Variants in PDZD2 observed in about 807,000 individuals in gnomAD.
PDZD2 encodes PDZ domain containing 2, also known as PDZ domain-containing protein 2.
In PDZD2, 90 loss-of-function variants were observed where a neutral mutation model predicts 220.7. The ratio of observed to expected loss-of-function variants is 0.41; its 90% CI spans 0.34 to 0.49. PDZD2 has a LOEUF of 0.49. PDZD2 is among the 20% of genes least tolerant of loss of function. The pLI, the probability that PDZD2 is intolerant of heterozygous loss-of-function variation, is 0.28. For synonymous variants in PDZD2, 1,375 were observed against 1,450.5 expected (o/e 0.95, Z 1.18); for missense variants, 3,174 against 3,608.5 (o/e 0.88, Z 3.08).
chr5:31,870,571 T>C (rs1738695450), intron 2 of PDZD2, among the ~76,000 whole-genome samples: 1 of 152,160 alleles, frequency 6.6e-6, no homozygotes, highest in Admixed American at 6.5e-5. Context: ...TGTAAACAAG[T>C]CTTTTTTAAA....
chr5:31,881,585 C>T (rs1285088791), intron 2 of PDZD2, among the ~76,000 whole-genome samples: 2 of 151,542 alleles, frequency 1.3e-5, no homozygotes, highest in Non-Finnish European at 2.9e-5. Flanking sequence ...ACCATGTTGG[C>T]CAGACTGGTC....
At chr5:31,987,673 C>T (rs1750823365) in intron 3 of PDZD2, among the ~76,000 whole-genome samples, 2 of 152,212 alleles carry the variant, frequency 1.3e-5, no homozygotes, top group South Asian at 4.1e-4. Context: ...TAAAACTCAG[C>T]ACATCATTTT....
intron 1 of PDZD2, chr5:31,787,798 C>T (rs916411671): frequency 1.3e-5 from 2 of 152,152 alleles, no homozygotes; most frequent in Non-Finnish European, 2.9e-5. Flanking sequence ...TCCCCTAAAA[C>T]CTCAGCATTG....
intron 1 of PDZD2, among the ~76,000 whole-genome samples, chr5:31,735,213 T>C (rs1332589497): frequency 6.6e-6 from 1 of 152,096 alleles, no homozygotes; most frequent in African/African-American, 2.4e-5. Context: ...GCTGGTGGGT[T>C]GGAGGGATGA....
intron 6 of PDZD2, among the ~76,000 whole-genome samples, chr5:32,027,549 C>A (rs925838937): frequency 6.6e-6 from 1 of 152,160 alleles, no homozygotes. Context: ...CGGCTCCCCC[C>A]ACTCCCAGCT....
chr5:31,801,916 G>A (rs1754415602), intron 2 of PDZD2, among the ~76,000 whole-genome samples: 1 of 152,084 alleles, frequency 6.6e-6, no homozygotes, highest in African/African-American at 2.4e-5. Flanking sequence ...ATCTACCCCT[G>A]GGATGAGATG....
At chr5:31,890,828 G>A (rs1232493230) in intron 2 of PDZD2, among the ~76,000 whole-genome samples, 4 of 152,122 alleles carry the variant, frequency 2.6e-5, no homozygotes, top group Non-Finnish European at 5.9e-5. Flanking sequence ...CCTCTTGGCC[G>A]CCTTTGCATG....
intron 2 of PDZD2, among the ~76,000 whole-genome samples, chr5:31,815,945 T>G (rs1417956500): frequency 1.3e-5 from 2 of 152,178 alleles, no homozygotes; most frequent in Non-Finnish European, 2.9e-5. Flanking sequence ...CATAGAGGTT[T>G]GATGTTTATT....
At chr5:32,001,196 G>A (rs1423890817) in intron 5 of PDZD2, among the ~76,000 whole-genome samples, 3 of 152,196 alleles carry the variant, frequency 2.0e-5, no homozygotes, top group African/African-American at 7.2e-5. Context: ...TTAGGGGATG[G>A]AAAGGAAAGA....
chr5:31,710,937 C>A (rs941022954), intron 1 of PDZD2, among the ~76,000 whole-genome samples: 11 of 152,176 alleles, frequency 7.2e-5, no homozygotes, highest in Admixed American at 5.2e-4. Context: ...AGGAAGGCTT[C>A]ATTTAAAATA....
intron 24 of PDZD2, 97 bp downstream of exon 24, chr5:32,101,336 C>A: frequency 8.9e-7 from 1 of 1,127,642 alleles, no homozygotes; most frequent in Non-Finnish European, 1.3e-6. Context: ...AATCAAAAAA[C>A]CTAAACTGTT....
At chr5:31,854,974 A>G (rs1580901554) in intron 2 of PDZD2, 12 of 985,460 alleles carry the variant, frequency 1.2e-5, no homozygotes, top group Non-Finnish European at 1.4e-5. Flanking sequence ...GAAGTCCTGC[A>G]GGAGCCGCGT....
intron 5 of PDZD2, among the ~76,000 whole-genome samples, chr5:32,008,295 T>C (rs1426407971): frequency 6.7e-6 from 1 of 149,914 alleles, no homozygotes; most frequent in Admixed American, 6.6e-5. Context: ...TTTTTTTTTT[T>C]TTTTTCTTTT....
intron 1 of PDZD2, among the ~76,000 whole-genome samples, chr5:31,779,468 G>A (rs952854803): frequency 3.0e-5 from 2 of 67,194 alleles, no homozygotes; most frequent in Non-Finnish European, 5.7e-5. Context: ...TCCACCTCCC[G>A]GATCACGCCA....
chr5:32,007,030 C>T (rs1752880286), intron 5 of PDZD2, among the ~76,000 whole-genome samples: 1 of 151,470 alleles, frequency 6.6e-6, no homozygotes, highest in Non-Finnish European at 1.5e-5. Flanking sequence ...ATTCTCCTGC[C>T]TCAGCCTCCT....
chr5:31,770,914 T>C (rs1476119521), intron 1 of PDZD2, among the ~76,000 whole-genome samples: 1 of 152,200 alleles, frequency 6.6e-6, no homozygotes, highest in Non-Finnish European at 1.5e-5. Context: ...TTCATTTAAG[T>C]GCCCCTCAGG....
At chr5:31,878,994 A>C (rs1739602365) in intron 2 of PDZD2, among the ~76,000 whole-genome samples, 1 of 152,154 alleles carries the variant, frequency 6.6e-6, no homozygotes, top group Non-Finnish European at 1.5e-5. Context: ...GTGGATCAGC[A>C]GTTGGACCAG....
At chr5:31,708,588 A>G (rs912149524) in intron 1 of PDZD2, among the ~76,000 whole-genome samples, 1 of 152,222 alleles carries the variant, frequency 6.6e-6, no homozygotes. Flanking sequence ...GCTATTTCTG[A>G]AAATCATGAT....
In PDZD2 at chr5:31,936,573, A is replaced by G. The variant is rs548687706; in HGVS notation, c.477-46582A>G. 1.8e-3 allele frequency among the ~76,000 whole-genome samples: 280 copies of G among 152,256 alleles called. 2 individuals are homozygous for G. The highest frequency in any genetic ancestry group is 6.5e-3 in the African/African-American group (270 of 41,562). ...TTATTCTGAGAGTTGCTTTAAAAAAAAAAAAAGAAAAAAAGCATGCAGCAT... is the reference window on the plus strand; with the variant it reads ...TTATTCTGAGAGTTGCTTTAAAAAAGAAAAAAGAAAAAAAGCATGCAGCAT... On this transcript the variant is annotated intron_variant, in intron 2 of 24. Transcript: ENST00000438447.
Sources: allele counts gnomAD v4.1 joint callset (sites outside exome capture counted in the v4.1 genomes callset), GRCh38; gene constraint gnomAD v4.1.1; transcripts MANE v1.5; gene names NCBI Gene and HGNC (gene_info 2026-07-23, HGNC 2026-07-21).